CASKIN2: variants seen among roughly 807,000 people sequenced by gnomAD.
CASKIN2 encodes the protein caskin-2.
A neutral mutation model predicts 107.1 loss-of-function variants in CASKIN2; 41 were observed. That is an observed-to-expected ratio of 0.38 (90% CI 0.30 to 0.50). CASKIN2 has a LOEUF of 0.50. CASKIN2 is among the 20% of genes least tolerant of loss of function. The pLI is 0.92. For missense variants in CASKIN2, 1,546 were observed against 1,657.4 expected (o/e 0.93, Z 1.17); for synonymous variants, 724 against 705.6 (o/e 1.03, Z -0.41).
At chr17:75,501,274 G>A (rs893285626) in intron 19 of CASKIN2, 104 bp from the exon 20 acceptor site, 6 of 1,249,472 alleles carry the variant, frequency 4.8e-6, no homozygotes, top group African/African-American at 1.5e-5. Flanking sequence ...GGAGGCAAGG[G>A]ACCGGCCAGG....
chr17:75,503,293 T>A (rs2053224612), intron 17 of CASKIN2, 39 bp from the exon 18 acceptor site: 11 of 1,573,670 alleles, frequency 7.0e-6, no homozygotes, highest in Non-Finnish European at 6.9e-6. Context: ...TAGCTGGGGC[T>A]GGGGTTGTCC....
chr17:75,512,989 G>T (rs1282953718), intron 2 of CASKIN2, among the ~76,000 whole-genome samples: 1 of 152,126 alleles, frequency 6.6e-6, no homozygotes, highest in African/African-American at 2.4e-5. Flanking sequence ...GAGGTTGGGG[G>T]TAGGGATGAA....
At position 75,502,257 on chromosome 17, in the gene CASKIN2, C is replaced by G; in HGVS notation, c.2817G>C (p.Thr939=). The G allele has an allele frequency of 6.5e-7, 1 of 1,548,920 alleles. No individual in the cohort carries two copies. Among genetic ancestry groups the G allele is most frequent in the South Asian group, 1.2e-5 (1 of 81,464 alleles). Residue 939 remains threonine (T), a synonymous_variant, in exon 18 of 20, where the codon ACG becomes ACC. Transcript: ENST00000321617. The surrounding 1 kb of genome is among the most constrained non-coding windows in gnomAD (Gnocchi z 4.3). ...TEEEEPGPEG[T]PPSRGSSGEG... is the part of the protein sequence containing the mutation. ...CCCCAGAGCTGCCCCGAGATGGGGGCGTCCCCTCAGGGCCTGGCTCCTCCT... is the reference window on the plus strand; with the variant it reads ...CCCCAGAGCTGCCCCGAGATGGGGGGGTCCCCTCAGGGCCTGGCTCCTCCT...
chr17:75,514,796 C>G (rs2053343074), intron 1 of CASKIN2, among the ~76,000 whole-genome samples: 1 of 152,232 alleles, frequency 6.6e-6, no homozygotes, highest in Non-Finnish European at 1.5e-5. Context: ...CTGCACAGCA[C>G]CTGTTGCTGA....
At chr17:75,513,194 A>G (rs2053329108) in intron 2 of CASKIN2, among the ~76,000 whole-genome samples, 2 of 73,628 alleles carry the variant, frequency 2.7e-5, no homozygotes, top group South Asian at 1.2e-3. Flanking sequence ...TCCTAGTACT[A>G]GGAGGCCTAC....
chr17:75,509,301 T>A (rs2146994474), intron 2 of CASKIN2, among the ~76,000 whole-genome samples: 1 of 152,108 alleles, frequency 6.6e-6, no homozygotes, highest in East Asian at 1.9e-4. Context: ...AGGGAAGGAG[T>A]GGGCCTGGCT....
In CASKIN2 at chr17:75,505,290, C is replaced by T; in HGVS notation, c.931-217G>A. On this transcript the variant is annotated intron_variant, in intron 10 of 19. Transcript: ENST00000321617. This position sits in a 1 kb window ranked among gnomAD's most constrained non-coding sequence, Gnocchi z 5.1. Reference sequence around the variant, plus strand: ...TCCAGGGCGAGCCCCAGTGGCAGCCCGTGGTCAAATCACAGCTCCACTACT... The same window carrying T: ...TCCAGGGCGAGCCCCAGTGGCAGCCTGTGGTCAAATCACAGCTCCACTACT... 1.6e-6 allele frequency: 1 copy of T among 640,986 alleles called. No homozygotes were observed. Among genetic ancestry groups the T allele is most frequent in the South Asian group, 1.9e-5 (1 of 52,338 alleles). The allele number at this position is 640,986 out of a possible 1,614,324, so 39.7% of individuals were successfully genotyped here. A position where few individuals can be genotyped will look rare whatever the true frequency, so the allele number is the denominator to read the frequency against.
chr17:75,511,145 C>T (rs1477730238), intron 2 of CASKIN2, among the ~76,000 whole-genome samples: 1 of 148,508 alleles, frequency 6.7e-6, no homozygotes, highest in East Asian at 2.0e-4. Flanking sequence ...ACTGCAACCT[C>T]TGCCTCCCAG....
chr17:75,508,595 T>C (rs945483311), intron 2 of CASKIN2, among the ~76,000 whole-genome samples: 5 of 152,084 alleles, frequency 3.3e-5, no homozygotes, highest in African/African-American at 1.2e-4. Flanking sequence ...AGGCCCACGG[T>C]GTGCATGGTT....
intron 18 of CASKIN2, 39 bp downstream of exon 18, chr17:75,501,740 C>A (rs755849577): frequency 3.3e-6 from 5 of 1,532,306 alleles, no homozygotes; most frequent in Non-Finnish European, 3.5e-6. Flanking sequence ...CAGACACAAC[C>A]CTGCCAGCAG....
At position 75,507,085 on chromosome 17, in the gene CASKIN2, G is replaced by C; in HGVS notation, c.289C>G (p.Pro97Ala). The change falls in exon 5 of 20, where the codon CCT (proline) becomes GCT (alanine). Residue 97 changes from proline to alanine, a missense_variant. By Grantham distance (27) the Pro-to-Ala change is conservative. Transcript: ENST00000321617. Reference sequence around the variant, plus strand: ...GAGGCGCGCAGCAGCAGCCTCACAGGCTCCAGCCGGCCCTGCCAGGCTGCG... The same window carrying C: ...GAGGCGCGCAGCAGCAGCCTCACAGCCTCCAGCCGGCCCTGCCAGGCTGCG... The part of the protein sequence containing the change: ...HYAAWQGRLE[P>A]VRLLLRASAA... The C allele has an allele frequency of 6.2e-7, 1 of 1,611,124 alleles. No homozygotes were observed. Among genetic ancestry groups the C allele is most frequent in the Non-Finnish European group, 8.5e-7 (1 of 1,179,442 alleles).
rs1162503219 is a variant in CASKIN2 at position 75,501,693 on chromosome 17, G to A, written c.3296-3C>T. 2 of 1,555,192 alleles carry A rather than the reference G, an allele frequency of 1.3e-6. No individual in the cohort carries two copies. The highest frequency in any genetic ancestry group is 1.4e-5 in the African/African-American group (1 of 73,798). ...CGACACAGGCTTGGGGGCTGTTCCT[G>A]CAGAGACAAAAAGGTTGGCTTGGGA... is the stretch of plus-strand genomic sequence containing the variant. On this transcript the variant is annotated splice_region_variant and splice_polypyrimidine_tract_variant and intron_variant, in intron 18 of 19. Coordinates refer to ENST00000321617, the MANE Select transcript of CASKIN2 (RefSeq NM_020753.5).
In CASKIN2 at chr17:75,505,089, G is replaced by T; in HGVS notation, c.931-16C>A. ...GTTCTAGCACCTGCGGCCAGGGGTGGGGGGCGGGGACGGTCACTCCCAGCA... is the reference window on the plus strand; with the variant it reads ...GTTCTAGCACCTGCGGCCAGGGGTGTGGGGCGGGGACGGTCACTCCCAGCA... On this transcript the variant is annotated splice_polypyrimidine_tract_variant and intron_variant, in intron 10 of 19. Transcript: ENST00000321617. The surrounding 1 kb of genome is among the most constrained non-coding windows in gnomAD (Gnocchi z 5.1). The T allele has an allele frequency of 3.3e-6, 5 of 1,509,292 alleles. No individual in the cohort carries two copies. Among genetic ancestry groups the T allele is most frequent in the South Asian group, 2.2e-5 (2 of 89,142 alleles). The allele number at this position is 1,509,292 out of a possible 1,614,324, so 93.5% of individuals were successfully genotyped here.
chr17:75,508,515 C>T (rs1598468556), intron 2 of CASKIN2, among the ~76,000 whole-genome samples: 2 of 152,334 alleles, frequency 1.3e-5, no homozygotes, highest in Admixed American at 1.3e-4. Flanking sequence ...TTCCCCTCGC[C>T]CCAGTCCCGC....
chr17:75,504,896 T>C lies in CASKIN2; in HGVS notation c.1108A>G (p.Thr370Ala), dbSNP rs749682853. 1 of 1,320,432 alleles carries C rather than the reference T, an allele frequency of 7.6e-7. No homozygotes were observed. Among genetic ancestry groups the C allele is most frequent in the Non-Finnish European group, 1.0e-6 (1 of 976,402 alleles). The allele number at this position is 1,320,432 out of a possible 1,614,324, so 81.8% of individuals were successfully genotyped here. ...GGTTCTTCGGCAGGAGGCTGCGGTG[T>C]CCGGGAGAAGCCTGGGCGCAGGGGG... ...PTPLRPGFSR[T>A]PQPPAEEPPH... The change falls in exon 11 of 20, where the codon ACA becomes GCA. Residue 370 changes from threonine to alanine, a missense_variant. By Grantham distance (58) the Thr-to-Ala change is moderately conservative. This residue lies in a region of CASKIN2 where 1,311 missense variants were observed against 1,311.0 expected (regional missense o/e 1.00). Transcript: ENST00000321617.
rs549311387 is a variant in CASKIN2 at position 75,500,800 on chromosome 17, G to A, written c.*280C>T. On this transcript the variant is annotated 3_prime_UTR_variant, in exon 20 of 20. Transcript: ENST00000321617. ...CCCTGAGGAGAGAGCTCTTACCAGGGTCCCTGTCCAGGAGCAGGGCTGTCC... is the reference window on the plus strand; with the variant it reads ...CCCTGAGGAGAGAGCTCTTACCAGGATCCCTGTCCAGGAGCAGGGCTGTCC... 2.7e-5 allele frequency: 11 copies of A among 411,456 alleles called. No homozygotes were observed. The Admixed American group carries it at 3.7e-4, about 14-fold the overall frequency. 25.5% of individuals were successfully genotyped at this position (411,456 alleles called of 1,614,324 possible).
chr17:75,501,149 C>A lies in CASKIN2; in HGVS notation c.3540G>T (p.Lys1180Asn). 1 of 1,591,898 alleles carries A rather than the reference C, an allele frequency of 6.3e-7. No individual in the cohort carries two copies. The highest frequency in any genetic ancestry group is 8.6e-7 in the Non-Finnish European group (1 of 1,169,174). Reference sequence around the variant, plus strand: ...TGGTGCTGATGTCATCCAGAATGTGCTTGGTGGAGGCGCTGGGGGTGCTGC... The same window carrying A: ...TGGTGCTGATGTCATCCAGAATGTGATTGGTGGAGGCGCTGGGGGTGCTGC... ...EQEGTPSAST[K>N]HILDDISTMF... The change falls in exon 20 of 20, where the codon AAG becomes AAT. Residue 1180 changes from lysine (K) to asparagine (N), a missense_variant. By Grantham distance (94) the Lys-to-Asn change is moderately conservative. Around this residue, in one of 6 missense-constraint regions of CASKIN2, gnomAD observed 1,311 missense variants for 1,311.0 expected, o/e 1.00. Transcript: ENST00000321617.
chr17:75,514,239 C>T, intron 1 of CASKIN2, 31 bp from the exon 2 acceptor site: 1 of 434,608 alleles, frequency 2.3e-6, no homozygotes, highest in Non-Finnish European at 4.0e-6. Context: ...CTGTCGAATG[C>T]TGGGCCACAG....
At position 75,502,483 on chromosome 17, in the gene CASKIN2, C is replaced by A. The variant is rs765507430; in HGVS notation, c.2591G>T (p.Arg864Leu). Residue 864 changes from arginine to leucine, a missense_variant, in exon 18 of 20, where the codon CGG becomes CTG. Arg to Leu is a moderately radical substitution (Grantham distance 102). Coordinates refer to ENST00000321617, the MANE Select transcript of CASKIN2 (RefSeq NM_020753.5). This position sits in a 1 kb window ranked among gnomAD's most constrained non-coding sequence, Gnocchi z 4.3. ...PRSQSFALRA[R>L]RKGPPPPPPK... ...GGGCGGGGGCGGGGGGCCTTTGCGCCGGGCCCGCAGGGCAAAGGACTGGCT... is the reference window on the plus strand; with the variant it reads ...GGGCGGGGGCGGGGGGCCTTTGCGCAGGGCCCGCAGGGCAAAGGACTGGCT... 1 of 1,450,512 alleles carries A rather than the reference C, an allele frequency of 6.9e-7. No homozygotes were observed. The highest frequency in any genetic ancestry group is 1.4e-5 in the African/African-American group (1 of 69,936). 89.9% of individuals were successfully genotyped at this position (1,450,512 alleles called of 1,614,324 possible). A position where few individuals can be genotyped will look rare whatever the true frequency, so the allele number is the denominator to read the frequency against.
Sources: gnomAD v4.1 joint callset for allele counts (sites outside exome capture counted in the v4.1 genomes callset) on GRCh38, gnomAD v4.1.1 for gene constraint, gnomAD v4.1.1 regional missense constraint, Gnocchi (gnomAD v3.1) non-coding constraint, MANE v1.5 for transcripts, NCBI Gene and HGNC (gene_info 2026-07-23, HGNC 2026-07-21) for gene names.